The following WDR88 variants were observed in gnomAD, a reference collection of about 807,000 sequenced individuals.
WDR88 encodes the protein WD repeat domain 88.
Under a neutral mutation model 46.8 loss-of-function variants are expected in WDR88, and 40 were observed. That is an observed-to-expected ratio of 0.86 (90% CI 0.66 to 1.11). WDR88 has a LOEUF of 1.11. Ranked by LOEUF, WDR88 falls within the 50% of genes most tolerant of loss-of-function variation. The probability of loss-of-function intolerance (pLI) is 0.00; values close to 1 mark genes in which losing one functional copy is unlikely to be tolerated. For missense variants in WDR88, 562 were observed against 602.4 expected, an observed-to-expected ratio of 0.93 and a Z score of 0.70; for synonymous variants, 235 against 240.7, an observed-to-expected ratio of 0.98 and a Z score of 0.22.
At chr19:33,174,447 T>C (rs898562175) in intron 10 of WDR88, 5 of 985,422 alleles carry the variant, frequency 5.1e-6, no homozygotes, top group Non-Finnish European at 4.8e-6. Context: ...CTGAGGGGCC[T>C]CTGCCCATGG....
chr19:33,137,103 T>C lies in WDR88; in HGVS notation c.277-574T>C, dbSNP rs1973282567. 3.9e-5 allele frequency among the ~76,000 whole-genome samples: 4 copies of C among 101,358 alleles called. No homozygotes were observed. In the South Asian group the frequency reaches 1.7e-3, roughly 43 times the overall value. The allele number at this position is 101,358 out of a possible 152,430, so 66.5% of individuals were successfully genotyped here. ...GAGCCACCATGCCTGGCTCATTTTC[T>C]TTCTTCTTCTTTTTTTTTTTTTTCC... On this transcript the variant is annotated intron_variant, in intron 1 of 10. Coordinates refer to ENST00000355868, the MANE Select transcript of WDR88 (RefSeq NM_173479.4).
intron 6 of WDR88, among the ~76,000 whole-genome samples, chr19:33,151,607 G>A (rs946393403): frequency 2.4e-4 from 37 of 152,162 alleles, no homozygotes; most frequent in African/African-American, 6.3e-4. Flanking sequence ...CTGGCTGGGC[G>A]TGTGGCTCAT....
intron 1 of WDR88, among the ~76,000 whole-genome samples, chr19:33,135,006 C>G (rs1295271390): frequency 1.3e-5 from 2 of 148,226 alleles, no homozygotes. Context: ...CCCCACACTT[C>G]CGCAGCTCAA....
At chr19:33,156,304 G>C (rs1198497733) in intron 6 of WDR88, 51 bp from the exon 7 acceptor site, 1 of 1,578,014 alleles carries the variant, frequency 6.3e-7, no homozygotes, top group Non-Finnish European at 8.6e-7. Flanking sequence ...ATGTCTTCAG[G>C]TCCTCCAGGA....
intron 1 of WDR88, among the ~76,000 whole-genome samples, chr19:33,133,297 C>G (rs1486100295): frequency 6.6e-6 from 1 of 151,868 alleles, no homozygotes. Flanking sequence ...TCTGTAATCC[C>G]AGCACTTTGG....
chr19:33,151,844 C>A (rs1973639570), intron 6 of WDR88, among the ~76,000 whole-genome samples: 1 of 151,950 alleles, frequency 6.6e-6, no homozygotes, highest in African/African-American at 2.4e-5. Context: ...TGCACCACTG[C>A]ACCCCAGCCT....
At chr19:33,140,003 G>C (rs184461667) in intron 2 of WDR88, among the ~76,000 whole-genome samples, 2 of 152,090 alleles carry the variant, frequency 1.3e-5, no homozygotes, top group African/African-American at 4.8e-5. Flanking sequence ...GGGCTGCCCC[G>C]GGGCTCAACT....
chr19:33,168,220 G>T (rs1329432593), intron 9 of WDR88, among the ~76,000 whole-genome samples: 1 of 151,484 alleles, frequency 6.6e-6, no homozygotes, highest in Non-Finnish European at 1.5e-5. Context: ...TAGAGATGGG[G>T]TTTCACCATG....
intron 9 of WDR88, among the ~76,000 whole-genome samples, chr19:33,170,184 TTATG>T (rs1974014473): frequency 6.9e-6 from 1 of 144,788 alleles, no homozygotes; most frequent in East Asian, 2.1e-4. Flanking sequence ...GCCCATTTAT[TTATG>T]TTTTAAAGAG....
At chr19:33,152,486 A>G (rs1033557051) in intron 6 of WDR88, among the ~76,000 whole-genome samples, 1 of 152,096 alleles carries the variant, frequency 6.6e-6, no homozygotes, top group African/African-American at 2.4e-5. Flanking sequence ...TATTCTAGAT[A>G]TTTCATATAA....
chr19:33,170,996 A>T (rs775978980), intron 9 of WDR88, among the ~76,000 whole-genome samples: 3 of 151,946 alleles, frequency 2.0e-5, no homozygotes, highest in Non-Finnish European at 4.4e-5. Context: ...TATTATTATT[A>T]TTTTTTTGAG....
chr19:33,166,282 C>CAAAA (rs34053341), intron 9 of WDR88, among the ~76,000 whole-genome samples: 59 of 55,524 alleles, frequency 1.1e-3, no homozygotes, highest in African/African-American at 2.9e-3. Context: ...GTTGTGGTCT[C>CAAAA]AAAAAAAAAA....
At chr19:33,142,734 G>A (rs1018869439) in intron 2 of WDR88, 3 of 151,566 alleles carry the variant, frequency 2.0e-5, no homozygotes, top group South Asian at 4.2e-4. Flanking sequence ...AGGGCCGGGC[G>A]TAGTGGCTCA....
chr19:33,167,659 CCTTCCTTCCTTCT>C lies in WDR88; in HGVS notation c.1149+3407_1149+3419del, dbSNP rs1324570717. Among the ~76,000 whole-genome samples, 4 of 150,906 alleles carry C rather than the reference CCTTCCTTCCTTCT, an allele frequency of 2.7e-5. No homozygotes were observed. In the Admixed American group the frequency reaches 2.7e-4, roughly 10 times the overall value. On this transcript the variant is annotated intron_variant, in intron 9 of 10. Coordinates refer to ENST00000355868, the MANE Select transcript of WDR88 (RefSeq NM_173479.4). Reference sequence around the variant, plus strand: ...CTTTCCTTCCCTCCCTCCCAACCTTCCTTCCTTCCTTCTCTTCCTTCCTTCCTTCTGTCCTTTC... The same window carrying C: ...CTTTCCTTCCCTCCCTCCCAACCTTCCTTCCTTCCTTCCTTCTGTCCTTTC...
intron 3 of WDR88, among the ~76,000 whole-genome samples, chr19:33,146,980 G>T (rs1973530957): frequency 6.7e-6 from 1 of 150,090 alleles, no homozygotes; most frequent in South Asian, 2.1e-4. Context: ...GCTTATTCTT[G>T]TAATTCCAGT....
intron 6 of WDR88, among the ~76,000 whole-genome samples, chr19:33,155,784 T>A (rs151106757): frequency 6.6e-6 from 1 of 152,220 alleles, no homozygotes; most frequent in African/African-American, 2.4e-5. Flanking sequence ...CAGTGGACAT[T>A]TGACAATGTC....
chr19:33,169,960 C>A (rs985727366), intron 9 of WDR88, among the ~76,000 whole-genome samples: 1 of 152,178 alleles, frequency 6.6e-6, no homozygotes, highest in Non-Finnish European at 1.5e-5. Flanking sequence ...TCACCGCAAC[C>A]TCCGCCTCCC....
chr19:33,151,261 A>G lies in WDR88; in HGVS notation c.760A>G (p.Ile254Val). The change falls in exon 6 of 11, where the codon ATC (isoleucine) becomes GTC (valine). Residue 254 changes from isoleucine to valine, a missense_variant. By Grantham distance (29) the Ile-to-Val change is conservative. Coordinates refer to ENST00000355868, the MANE Select transcript of WDR88 (RefSeq NM_173479.4). ...GGCTTCTGTCTCATTGGACAGGTGC[A>G]TCAAGATCTGGGATGTTACATCCCA... ...RVASVSLDRC[I>V]KIWDVTSQAT... 6.2e-7 allele frequency: 1 copy of G among 1,613,744 alleles called. No individual in the cohort carries two copies. Among genetic ancestry groups the G allele is most frequent in the Non-Finnish European group, 8.5e-7 (1 of 1,179,896 alleles).
intron 7 of WDR88, among the ~76,000 whole-genome samples, chr19:33,157,663 ATGTATGTGTG>A (rs1281098754): frequency 4.7e-5 from 4 of 85,600 alleles, no homozygotes; most frequent in African/African-American, 2.3e-4. Flanking sequence ...GTATATATGT[ATGTATGTGTG>A]TGTGTGTATG....
Sources: allele counts gnomAD v4.1 joint callset (sites outside exome capture counted in the v4.1 genomes callset), GRCh38; gene constraint gnomAD v4.1.1; transcripts MANE v1.5; gene names NCBI Gene and HGNC (gene_info 2026-07-23, HGNC 2026-07-21).